The following ADAM22 variants were observed in gnomAD, a reference collection of about 807,000 sequenced individuals.
ADAM22 encodes the protein disintegrin and metalloproteinase domain-containing protein 22.
Under a neutral mutation model 144.6 loss-of-function variants are expected in ADAM22, and 65 were observed. That is an observed-to-expected ratio of 0.45 (90% CI 0.37 to 0.55). The LOEUF is 0.55. Ranked by LOEUF, ADAM22 falls within the 20% of genes least tolerant of loss-of-function variation. The pLI is 0.00. For synonymous variants in ADAM22, 391 were observed against 412.6 expected, an observed-to-expected ratio of 0.95 and a Z score of 0.63; for missense variants, 974 against 1,184.9, an observed-to-expected ratio of 0.82 and a Z score of 2.61.
intron 2 of ADAM22, among the ~76,000 whole-genome samples, chr7:87,951,981 A>G (rs1486798716): frequency 6.7e-6 from 1 of 148,892 alleles, no homozygotes; most frequent in Non-Finnish European, 1.5e-5. Flanking sequence ...TGATTTTTGT[A>G]CATTGATTTT....
At chr7:87,978,531 A>G (rs973630198) in intron 3 of ADAM22, 119 bp downstream of exon 3, 3 of 696,482 alleles carry the variant, frequency 4.3e-6, no homozygotes, top group African/African-American at 3.6e-5. Context: ...TAAATACTAC[A>G]TTTTAAACTA....
intron 3 of ADAM22, among the ~76,000 whole-genome samples, chr7:87,995,037 C>T (rs1790809945): frequency 6.6e-6 from 1 of 152,044 alleles, no homozygotes; most frequent in South Asian, 2.1e-4. Flanking sequence ...TCACCGTGGT[C>T]TCGATCTCCT....
intron 5 of ADAM22, among the ~76,000 whole-genome samples, chr7:88,113,356 G>C (rs1300643394): frequency 1.3e-5 from 2 of 151,338 alleles, no homozygotes; most frequent in African/African-American, 4.9e-5. Flanking sequence ...TTACTGCTCT[G>C]ATCTAAGCCA....
intron 14 of ADAM22, among the ~76,000 whole-genome samples, chr7:88,142,179 A>G (rs1435410595): frequency 6.6e-6 from 1 of 152,236 alleles, no homozygotes; most frequent in Non-Finnish European, 1.5e-5. Context: ...AAAGAAGTAC[A>G]TCCTCCTACA....
chr7:88,179,694 A>C (rs752760149), intron 27 of ADAM22, among the ~76,000 whole-genome samples: 1 of 152,086 alleles, frequency 6.6e-6, no homozygotes, highest in African/African-American at 2.4e-5. Context: ...CACTGATGCT[A>C]TATTCTTATT....
chr7:87,955,271 A>G (rs1562844241), intron 2 of ADAM22, among the ~76,000 whole-genome samples: 1 of 151,882 alleles, frequency 6.6e-6, no homozygotes, highest in Non-Finnish European at 1.5e-5. Context: ...GGTTTTATCT[A>G]CTTTTGGTCT....
intron 17 of ADAM22, among the ~76,000 whole-genome samples, chr7:88,148,708 C>A (rs1563327942): frequency 6.6e-6 from 1 of 152,054 alleles, no homozygotes; most frequent in African/African-American, 2.4e-5. Flanking sequence ...TTACTAGAAC[C>A]TGGACTAACT....
Position 88,114,633 on chromosome 7 carries a change from A to T in ADAM22, c.523A>T (p.Asn175Tyr), listed in dbSNP as rs1358796233. 3 of 1,613,920 alleles carry T rather than the reference A, an allele frequency of 1.9e-6. No homozygotes were observed. The East Asian group carries it at 6.7e-5, about 36-fold the overall frequency. ...NHTYLIEPEE[N>Y]DTTQEDFHFH... ...CACATATCTCATTGAGCCAGAAGAAAATGACACTACTCAAGTAAGTGCTCC... is the reference window on the plus strand; with the variant it reads ...CACATATCTCATTGAGCCAGAAGAATATGACACTACTCAAGTAAGTGCTCC... The change falls in exon 6 of 32, where the codon AAT (asparagine) becomes TAT (tyrosine). Residue 175 changes from asparagine (N) to tyrosine (Y), a missense_variant. By Grantham distance (143) the Asn-to-Tyr change is moderately radical. Coordinates refer to ENST00000413139, the MANE Select transcript of ADAM22 (RefSeq NM_001324418.2).
chr7:87,972,772 C>T (rs192549738), intron 2 of ADAM22, among the ~76,000 whole-genome samples: 1 of 152,116 alleles, frequency 6.6e-6, no homozygotes, highest in African/African-American at 2.4e-5. Flanking sequence ...AGAACAGAGC[C>T]CTCAGAAATA....
At chr7:88,034,276 G>C (rs1350964541) in intron 3 of ADAM22, among the ~76,000 whole-genome samples, 1 of 152,234 alleles carries the variant, frequency 6.6e-6, no homozygotes, top group African/African-American at 2.4e-5. Flanking sequence ...GCCAGAAGTT[G>C]GTCCTTCCCT....
intron 3 of ADAM22, among the ~76,000 whole-genome samples, chr7:88,008,103 AC>A (rs1191326687): frequency 6.6e-6 from 1 of 152,126 alleles, no homozygotes; most frequent in African/African-American, 2.4e-5. Flanking sequence ...ATGGACAGAC[AC>A]TTCTCAAAAG....
chr7:88,130,066 A>G (rs948614170), intron 9 of ADAM22, among the ~76,000 whole-genome samples: 24 of 151,908 alleles, frequency 1.6e-4, no homozygotes, highest in Admixed American at 1.6e-3. Flanking sequence ...GACAACTTTC[A>G]TATGTTTTAT....
At chr7:88,054,688 A>G (rs1420181779) in intron 3 of ADAM22, among the ~76,000 whole-genome samples, 1 of 147,288 alleles carries the variant, frequency 6.8e-6, no homozygotes, top group African/African-American at 2.5e-5. Context: ...GGTGCTCATC[A>G]CTGTGAATTG....
At chr7:87,979,744 A>G (rs963004300) in intron 3 of ADAM22, among the ~76,000 whole-genome samples, 1 of 152,152 alleles carries the variant, frequency 6.6e-6, no homozygotes, top group Non-Finnish European at 1.5e-5. Context: ...AAACCAGAGG[A>G]TAGGATTAGC....
intron 2 of ADAM22, among the ~76,000 whole-genome samples, chr7:87,955,242 G>A (rs1846358492): frequency 6.6e-6 from 1 of 152,174 alleles, no homozygotes; most frequent in Non-Finnish European, 1.5e-5. Flanking sequence ...TTTCTGCTCT[G>A]TTTTTTCCCC....
intron 7 of ADAM22, among the ~76,000 whole-genome samples, 163 bp from the exon 8 acceptor site, chr7:88,125,426 A>G (rs1830178003): frequency 6.6e-6 from 1 of 152,004 alleles, no homozygotes; most frequent in Non-Finnish European, 1.5e-5. Flanking sequence ...TTATATGTTT[A>G]TTTAGTATTA....
In ADAM22 at chr7:88,186,625, C is replaced by A. The variant is rs755768298; in HGVS notation, c.2674C>A (p.Pro892Thr). 33 of 1,609,546 alleles carry A rather than the reference C, an allele frequency of 2.1e-5. No homozygotes were observed. The highest frequency in any genetic ancestry group is 4.0e-5 in the African/African-American group (3 of 74,728). ...CATTGCTTTCTGCAGGTATTTAAACCCATGGTTCAAAAGAGACTATAATGT... is the reference window on the plus strand; with the variant it reads ...CATTGCTTTCTGCAGGTATTTAAACACATGGTTCAAAAGAGACTATAATGT... ...PRSNSTEYLN[P>T]WFKRDYNVAK... The change falls in exon 30 of 32, where the codon CCA (proline) becomes ACA (threonine). Residue 892 changes from proline (P) to threonine (T), a missense_variant. Transcript: ENST00000413139.
At position 88,113,703 on chromosome 7, in the gene ADAM22, A is replaced by AATAAATATATATAT. The variant is rs1554478726; in HGVS notation, c.474-878_474-877insAATATATATATATA. ...TATATATATTATAAATAAATAAATA[A>AATAAATATATATAT]ATATATATATATATATATATATATA... On this transcript the variant is annotated intron_variant, in intron 5 of 31. Transcript: ENST00000413139. Among the ~76,000 whole-genome samples the AATAAATATATATAT allele has an allele frequency of 5.5e-3, 265 of 48,024 alleles. 2 individuals are homozygous for AATAAATATATATAT. Among genetic ancestry groups the AATAAATATATATAT allele is most frequent in the South Asian group, 0.013 (11 of 816 alleles). 31.5% of individuals were successfully genotyped at this position (48,024 alleles called of 152,430 possible).
At chr7:88,185,542 A>G (rs955122639) in intron 29 of ADAM22, among the ~76,000 whole-genome samples, 3 of 152,196 alleles carry the variant, frequency 2.0e-5, no homozygotes, top group Non-Finnish European at 2.9e-5. Flanking sequence ...TGTCTATAGT[A>G]GCCCTAGAAG....
Sources: gnomAD v4.1 joint callset for allele counts (sites outside exome capture counted in the v4.1 genomes callset) on GRCh38, gnomAD v4.1.1 for gene constraint, MANE v1.5 for transcripts, NCBI Gene and HGNC (gene_info 2026-07-23, HGNC 2026-07-21) for gene names.